SUPT3H: variants seen among roughly 807,000 people sequenced by gnomAD.
SUPT3H encodes the protein SPT3 homolog, SAGA and STAGA complex component.
In SUPT3H, 44 loss-of-function variants were observed where a neutral mutation model predicts 44.3. That is an observed-to-expected ratio of 0.99 (90% CI 0.78 to 1.28). The LOEUF is 1.28. Among genes scored for constraint, SUPT3H ranks in the 50% most tolerant of loss-of-function variants. The probability of loss-of-function intolerance (pLI) is 0.00; values close to 1 mark genes in which losing one functional copy is unlikely to be tolerated. For synonymous variants in SUPT3H, 124 were observed against 125.6 expected (o/e 0.99, Z 0.09); for missense variants, 380 against 387.1 (o/e 0.98, Z 0.15).
chr6:45,361,778 G>T (rs185782151), intron 2 of SUPT3H: 1 of 152,382 alleles, frequency 6.6e-6, no homozygotes, highest in Admixed American at 6.5e-5. Flanking sequence ...GGCCAGGCAC[G>T]GTGGGTCAAG....
chr6:44,870,955 C>T (rs1477766265), intron 10 of SUPT3H, among the ~76,000 whole-genome samples: 2 of 151,570 alleles, frequency 1.3e-5, no homozygotes, highest in Non-Finnish European at 2.9e-5. Context: ...TAAAAAACGG[C>T]GCACCACGAG....
At chr6:45,028,225 A>G (rs1442292994) in intron 3 of SUPT3H, among the ~76,000 whole-genome samples, 4 of 152,240 alleles carry the variant, frequency 2.6e-5, no homozygotes, top group Non-Finnish European at 5.9e-5. Flanking sequence ...ACCTTTCCAC[A>G]AAGTAAAGTT....
chr6:44,811,132 T>C (rs1408689833), intron 11 of SUPT3H, among the ~76,000 whole-genome samples: 1 of 152,194 alleles, frequency 6.6e-6, no homozygotes, highest in Non-Finnish European at 1.5e-5. Flanking sequence ...TGCTCCAGAA[T>C]TGCATCCAGG....
At chr6:44,927,846 G>A (rs1428792274) in intron 10 of SUPT3H, among the ~76,000 whole-genome samples, 1 of 152,092 alleles carries the variant, frequency 6.6e-6, no homozygotes, top group Non-Finnish European at 1.5e-5. Context: ...ATAGAGTAAG[G>A]CCAGATAGGC....
chr6:44,895,668 A>G (rs913627072), intron 10 of SUPT3H, among the ~76,000 whole-genome samples: 5 of 152,162 alleles, frequency 3.3e-5, no homozygotes, highest in African/African-American at 1.2e-4. Flanking sequence ...GTTCAGCCTG[A>G]TGGAATAACT....
At chr6:44,982,695 C>T (rs909828825) in intron 6 of SUPT3H, among the ~76,000 whole-genome samples, 2 of 152,142 alleles carry the variant, frequency 1.3e-5, no homozygotes, top group Non-Finnish European at 2.9e-5. Context: ...CTATCTTGCA[C>T]AGAAGAATTT....
At chr6:45,328,930 A>T in intron 2 of SUPT3H, 1 of 868,158 alleles carries the variant, frequency 1.2e-6, no homozygotes, top group South Asian at 1.5e-5. Flanking sequence ...TGAAAAATGA[A>T]ATTTCTGTAT....
intron 2 of SUPT3H, among the ~76,000 whole-genome samples, chr6:45,223,960 A>G (rs964947183): frequency 6.0e-5 from 9 of 149,618 alleles, no homozygotes; most frequent in Admixed American, 2.0e-4. Flanking sequence ...AGTAAATTAC[A>G]CCAACAAGCC....
At chr6:45,155,912 T>C (rs534656245) in intron 2 of SUPT3H, among the ~76,000 whole-genome samples, 38 of 152,172 alleles carry the variant, frequency 2.5e-4, no homozygotes, top group African/African-American at 8.4e-4. Context: ...TACCCAAAAA[T>C]GGGCAAATTT....
At chr6:44,958,912 T>TC (rs1360586482) in intron 7 of SUPT3H, among the ~76,000 whole-genome samples, 5 of 138,678 alleles carry the variant, frequency 3.6e-5, no homozygotes, top group African/African-American at 1.3e-4. Flanking sequence ...TCTCACCCTG[T>TC]CCCCCAGGCT....
intron 3 of SUPT3H, among the ~76,000 whole-genome samples, chr6:45,055,747 C>T (rs1194365210): frequency 1.3e-5 from 2 of 151,998 alleles, no homozygotes; most frequent in African/African-American, 4.8e-5. Flanking sequence ...AAAAACTCTT[C>T]TTAGACACTG....
chr6:45,117,049 C>T (rs940466331), intron 2 of SUPT3H, among the ~76,000 whole-genome samples: 10 of 152,042 alleles, frequency 6.6e-5, no homozygotes, highest in African/African-American at 2.2e-4. Flanking sequence ...TTTCAATTCT[C>T]ACTTGAATCA....
At chr6:44,899,616 G>A (rs1200972279) in intron 10 of SUPT3H, among the ~76,000 whole-genome samples, 1 of 152,230 alleles carries the variant, frequency 6.6e-6, no homozygotes, top group South Asian at 2.1e-4. Flanking sequence ...GAACCCGGGA[G>A]ATGGAGGATG....
chr6:45,321,936 T>C (rs776352958), intron 2 of SUPT3H: 2 of 1,054,836 alleles, frequency 1.9e-6, no homozygotes, highest in South Asian at 3.0e-5. Flanking sequence ...TAAAACATAT[T>C]ATAAATAAAT....
intron 2 of SUPT3H, among the ~76,000 whole-genome samples, chr6:45,195,831 T>C (rs1344588365): frequency 6.6e-6 from 1 of 152,128 alleles, no homozygotes; most frequent in African/African-American, 2.4e-5. Flanking sequence ...AACAATTGGA[T>C]TCATGAGTCT....
At chr6:45,104,137 T>A (rs1359336) in intron 3 of SUPT3H, among the ~76,000 whole-genome samples, 88,524 of 151,908 alleles carry the variant, frequency 0.58, 26,523 homozygotes, top group African/African-American at 0.73. Flanking sequence ...TGAGAAGGAA[T>A]AATGAGCATG....
At chr6:44,956,119 C>CAA (rs35935221) in intron 7 of SUPT3H, among the ~76,000 whole-genome samples, 4 of 124,628 alleles carry the variant, frequency 3.2e-5, no homozygotes, top group African/African-American at 6.0e-5. Context: ...GACTCCGTCT[C>CAA]AAAAAAAAAA....
rs16872980 is a variant in SUPT3H, at chr6:44,964,848, A to G, written c.505-3020T>C. On this transcript the variant is annotated intron_variant, in intron 6 of 10. Transcript: ENST00000371459. ...ATACAAAATCATGGCTTAGAGATAG[A>G]AGGCAGCTTAAAGTTTATCTTGTTC... 6.1e-3 allele frequency among the ~76,000 whole-genome samples: 931 copies of G among 152,304 alleles called. 14 individuals are homozygous for G. The highest frequency in any genetic ancestry group is 0.021 in the African/African-American group (889 of 41,576).
rs113299608 is a variant in SUPT3H at position 45,105,909 on chromosome 6, T to TA, written c.186+12dup. 110 of 1,603,980 alleles carry TA rather than the reference T, an allele frequency of 6.9e-5. 1 individual carries two copies. In the African/African-American group the frequency reaches 9.6e-4, roughly 14 times the overall value. ...AGAGAAGAGAAACCAAATCAAATTATATATGCTCTTACCAGATTAATTAAC... is the reference window on the plus strand; with the variant it reads ...AGAGAAGAGAAACCAAATCAAATTATAATATGCTCTTACCAGATTAATTAAC... On this transcript the variant is annotated intron_variant, in intron 3 of 10. Coordinates refer to ENST00000371459, the MANE Select transcript of SUPT3H (RefSeq NM_003599.4).
Sources: allele counts gnomAD v4.1 joint callset (sites outside exome capture counted in the v4.1 genomes callset), GRCh38; gene constraint gnomAD v4.1.1; transcripts MANE v1.5; gene names NCBI Gene and HGNC (gene_info 2026-07-23, HGNC 2026-07-21).